CTNNA2: variants seen among roughly 807,000 people sequenced by gnomAD.
The protein encoded by CTNNA2 is catenin alpha 2, also known as catenin alpha-2.
In CTNNA2, 42 loss-of-function variants were observed where a neutral mutation model predicts 101.0. The ratio of observed to expected loss-of-function variants is 0.42; its 90% CI spans 0.32 to 0.54. The LOEUF (loss-of-function observed/expected upper bound fraction) is 0.54. Among genes scored for constraint, CTNNA2 ranks in the 20% least tolerant of loss-of-function variants. The probability of loss-of-function intolerance (pLI) is 0.14; values close to 1 mark genes in which losing one functional copy is unlikely to be tolerated. For missense variants in CTNNA2, 871 were observed against 1,223.1 expected, an observed-to-expected ratio of 0.71 and a Z score of 4.29; for synonymous variants, 450 against 456.4, an observed-to-expected ratio of 0.99 and a Z score of 0.18.
chr2:79,771,500 C>T (rs1673575733), intron 3 of CTNNA2, among the ~76,000 whole-genome samples: 1 of 152,106 alleles, frequency 6.6e-6, no homozygotes, highest in Admixed American at 6.6e-5. Flanking sequence ...TCAGTGGGAG[C>T]CCTGAGCTTG....
chr2:79,340,630 G>T (rs569302500), intron 3 of CTNNA2, among the ~76,000 whole-genome samples: 47 of 152,142 alleles, frequency 3.1e-4, no homozygotes, highest in African/African-American at 1.1e-3. Context: ...TCAGGAGATA[G>T]AGACCGTCCT....
intron 7 of CTNNA2, among the ~76,000 whole-genome samples, chr2:79,943,177 A>G (rs974338701): frequency 1.3e-5 from 2 of 151,226 alleles, no homozygotes; most frequent in African/African-American, 4.8e-5. Flanking sequence ...AAATCACGCA[A>G]TTGTATTCCA....
intron 9 of CTNNA2, among the ~76,000 whole-genome samples, chr2:80,422,248 A>G (rs1013530377): frequency 2.0e-5 from 3 of 152,182 alleles, no homozygotes; most frequent in Admixed American, 2.0e-4. Flanking sequence ...TCCCCTTTAT[A>G]AAACCATCAG....
intron 1 of CTNNA2, among the ~76,000 whole-genome samples, chr2:79,583,445 A>G (rs1015135252): frequency 1.3e-5 from 2 of 151,396 alleles, no homozygotes; most frequent in Non-Finnish European, 2.9e-5. Flanking sequence ...TCATATATTC[A>G]GTGTGTTTCA....
At chr2:79,745,448 A>G (rs760801601) in intron 3 of CTNNA2, among the ~76,000 whole-genome samples, 8 of 151,942 alleles carry the variant, frequency 5.3e-5, no homozygotes, top group Non-Finnish European at 1.2e-4. Context: ...AAAAAAATAA[A>G]ATAAAAAGAA....
intron 7 of CTNNA2, among the ~76,000 whole-genome samples, chr2:80,096,371 G>GT (rs1376586631): frequency 3.3e-5 from 5 of 152,138 alleles, no homozygotes; most frequent in South Asian, 4.1e-4. Flanking sequence ...CTGAGAGAGA[G>GT]TTTTTTATAA....
intron 3 of CTNNA2, among the ~76,000 whole-genome samples, chr2:79,831,892 A>T (rs1386993501): frequency 6.6e-6 from 1 of 152,222 alleles, no homozygotes; most frequent in East Asian, 1.9e-4. Context: ...TTTCAAGCAG[A>T]TGATGAATAA....
At chr2:79,784,762 ATATAT>A (rs1674711255) in intron 3 of CTNNA2, among the ~76,000 whole-genome samples, 1 of 55,630 alleles carries the variant, frequency 1.8e-5, no homozygotes. Flanking sequence ...AGAATGAAAT[ATATAT>A]ATATATATAT....
intron 2 of CTNNA2, among the ~76,000 whole-genome samples, chr2:79,297,621 T>C (rs1221180365): frequency 6.6e-6 from 1 of 152,204 alleles, no homozygotes; most frequent in Non-Finnish European, 1.5e-5. Flanking sequence ...TGAGGAAAAG[T>C]ATACAACCAT....
At chr2:79,734,760 G>T (rs547127029) in intron 2 of CTNNA2, among the ~76,000 whole-genome samples, 1 of 152,126 alleles carries the variant, frequency 6.6e-6, no homozygotes, top group South Asian at 2.1e-4. Flanking sequence ...TTTGAAGTCA[G>T]TACAAAAAGG....
At position 80,433,154 on chromosome 2, in the gene CTNNA2, AG is replaced by A. The variant is rs146974110; in HGVS notation, c.1290+13554del. ...AAGTCTTTTCAAGTAGGTGACTTCA[AG>A]TATCTCTGTTACGTAGAGCTTAAAA... On this transcript the variant is annotated intron_variant, in intron 9 of 18. Coordinates refer to ENST00000402739, the MANE Select transcript of CTNNA2 (RefSeq NM_001282597.3). Among the ~76,000 whole-genome samples, 635 of 152,298 alleles carry A rather than the reference AG, an allele frequency of 4.2e-3. 1 individual carries two copies. The highest frequency in any genetic ancestry group is 0.015 in the African/African-American group (603 of 41,570).
At chr2:79,952,621 A>T (rs1688963364) in intron 7 of CTNNA2, among the ~76,000 whole-genome samples, 1 of 152,258 alleles carries the variant, frequency 6.6e-6, no homozygotes, top group Admixed American at 6.5e-5. Flanking sequence ...ATATAAAACA[A>T]TAATACAAGA....
At chr2:80,217,211 A>G (rs1558913076) in intron 7 of CTNNA2, among the ~76,000 whole-genome samples, 1 of 152,202 alleles carries the variant, frequency 6.6e-6, no homozygotes, top group Admixed American at 6.5e-5. Flanking sequence ...AGCAAACACT[A>G]CAGGGTTGGT....
intron 1 of CTNNA2, among the ~76,000 whole-genome samples, chr2:79,528,361 G>A (rs538805421): frequency 6.6e-6 from 1 of 152,034 alleles, no homozygotes; most frequent in South Asian, 2.1e-4. Context: ...ATAGGGGTAT[G>A]CCACCATGCT....
chr2:79,367,397 C>T (rs1205076295), intron 3 of CTNNA2, among the ~76,000 whole-genome samples: 1 of 152,190 alleles, frequency 6.6e-6, no homozygotes, highest in South Asian at 2.1e-4. Context: ...AAGGGGAAAG[C>T]ATCTCTGGCA....
intron 7 of CTNNA2, among the ~76,000 whole-genome samples, chr2:80,216,269 C>G (rs560897839): frequency 2.0e-5 from 3 of 152,126 alleles, no homozygotes; most frequent in South Asian, 2.1e-4. Flanking sequence ...ACCCACTGTC[C>G]GACAAGCTCC....
At chr2:80,292,667 C>A (rs1675369807) in intron 7 of CTNNA2, among the ~76,000 whole-genome samples, 1 of 152,168 alleles carries the variant, frequency 6.6e-6, no homozygotes, top group Admixed American at 6.5e-5. Flanking sequence ...AGGCCTATGC[C>A]AGCATAGTCC....
chr2:80,404,214 T>G (rs1161142650), intron 8 of CTNNA2, among the ~76,000 whole-genome samples: 1 of 152,144 alleles, frequency 6.6e-6, no homozygotes. Flanking sequence ...CTCTGATGGT[T>G]GTTTACATTT....
chr2:79,536,809 C>G (rs1295204309), intron 1 of CTNNA2, among the ~76,000 whole-genome samples: 1 of 151,728 alleles, frequency 6.6e-6, no homozygotes, highest in Non-Finnish European at 1.5e-5. Context: ...TCAAGGAGTT[C>G]TCCTGCCTCA....
Sources: allele counts gnomAD v4.1 joint callset (sites outside exome capture counted in the v4.1 genomes callset), GRCh38; gene constraint gnomAD v4.1.1; transcripts MANE v1.5; gene names NCBI Gene and HGNC (gene_info 2026-07-23, HGNC 2026-07-21).